The following GALNTL6 variants were observed in gnomAD, a reference collection of about 807,000 sequenced individuals.
GALNTL6 encodes the protein polypeptide N-acetylgalactosaminyltransferase like 6.
Under a neutral mutation model 73.7 loss-of-function variants are expected in GALNTL6, and 46 were observed. That is an observed-to-expected ratio of 0.62 (90% confidence interval 0.49 to 0.80). GALNTL6 has a LOEUF of 0.80. GALNTL6 is among the 30% of genes least tolerant of loss of function. The pLI, the probability that GALNTL6 is intolerant of heterozygous loss-of-function variation, is 0.00. For synonymous variants in GALNTL6, 259 were observed against 263.7 expected (o/e 0.98, Z 0.17); for missense variants, 604 against 755.0 (o/e 0.80, Z 2.34).
intron 3 of GALNTL6, among the ~76,000 whole-genome samples, chr4:172,254,930 G>C (rs1412793690): frequency 1.3e-5 from 2 of 151,600 alleles, no homozygotes; most frequent in African/African-American, 4.8e-5. Context: ...AGCTTTGGAA[G>C]TTATTCGGTC....
At chr4:172,735,123 C>A (rs771283731) in intron 5 of GALNTL6, among the ~76,000 whole-genome samples, 11 of 152,132 alleles carry the variant, frequency 7.2e-5, no homozygotes, top group African/African-American at 1.4e-4. Context: ...ATCCTCCAGA[C>A]CCCAGAATAG....
intron 5 of GALNTL6, among the ~76,000 whole-genome samples, chr4:172,602,318 C>G (rs1412379796): frequency 6.6e-6 from 1 of 151,880 alleles, no homozygotes; most frequent in Non-Finnish European, 1.5e-5. Flanking sequence ...TAACAGATGA[C>G]TTTTTTCTCA....
At chr4:172,806,655 T>C (rs1281804931) in intron 5 of GALNTL6, among the ~76,000 whole-genome samples, 1 of 152,118 alleles carries the variant, frequency 6.6e-6, no homozygotes. Context: ...GGAGGAAAAA[T>C]GTAAATGCAT....
intron 5 of GALNTL6, among the ~76,000 whole-genome samples, chr4:172,804,591 G>A (rs1239769665): frequency 6.6e-6 from 1 of 152,212 alleles, no homozygotes; most frequent in Non-Finnish European, 1.5e-5. Context: ...TGGGGCAGCG[G>A]TTGGCATGAC....
At chr4:172,410,136 A>G (rs1455932871) in intron 5 of GALNTL6, among the ~76,000 whole-genome samples, 2 of 152,020 alleles carry the variant, frequency 1.3e-5, no homozygotes, top group African/African-American at 4.8e-5. Flanking sequence ...ACTTTTTGTT[A>G]TTTGAAATAG....
intron 5 of GALNTL6, among the ~76,000 whole-genome samples, chr4:172,763,888 T>TCAAA (rs1234969381): frequency 6.6e-6 from 1 of 151,502 alleles, no homozygotes. Flanking sequence ...GAAATATCAA[T>TCAAA]GACTAATAAA....
intron 5 of GALNTL6, among the ~76,000 whole-genome samples, chr4:172,376,627 G>T (rs549217315): frequency 1.4e-4 from 21 of 152,216 alleles, no homozygotes; most frequent in African/African-American, 4.3e-4. Flanking sequence ...TGAATTCTAA[G>T]AAAAAATAGG....
At chr4:172,210,622 T>C (rs1158653736) in intron 2 of GALNTL6, among the ~76,000 whole-genome samples, 2 of 152,170 alleles carry the variant, frequency 1.3e-5, no homozygotes, top group Non-Finnish European at 2.9e-5. Context: ...CCAGGGTATA[T>C]AATATCACTA....
At chr4:172,859,419 T>C (rs1298651144) in intron 7 of GALNTL6, among the ~76,000 whole-genome samples, 1 of 152,138 alleles carries the variant, frequency 6.6e-6, no homozygotes, top group Non-Finnish European at 1.5e-5. Flanking sequence ...AGCGCTTCAG[T>C]ATAAGAAGCC....
chr4:172,551,948 G>A (rs1239857262), intron 5 of GALNTL6, among the ~76,000 whole-genome samples: 1 of 152,006 alleles, frequency 6.6e-6, no homozygotes, highest in Non-Finnish European at 1.5e-5. Flanking sequence ...AAGCTGATAA[G>A]TCAGGAGTAT....
intron 5 of GALNTL6, among the ~76,000 whole-genome samples, chr4:172,546,807 C>CACATATATATACGTATATATAT (rs1554034213): frequency 0.037 from 502 of 13,576 alleles, 42 homozygotes; most frequent in African/African-American, 0.11. Flanking sequence ...CGTATATATA[C>CACATATATATACGTATATATAT]GTATATATAT....
intron 2 of GALNTL6, among the ~76,000 whole-genome samples, chr4:172,057,449 G>A (rs1283128786): frequency 6.6e-6 from 1 of 151,732 alleles, no homozygotes; most frequent in East Asian, 1.9e-4. Flanking sequence ...AACTACTCAG[G>A]AGGCCAAAGC....
At chr4:172,075,270 A>G (rs1731666792) in intron 2 of GALNTL6, among the ~76,000 whole-genome samples, 1 of 151,586 alleles carries the variant, frequency 6.6e-6, no homozygotes, top group Non-Finnish European at 1.5e-5. Context: ...TTTTTTCTGG[A>G]TTGAAGTTCT....
chr4:171,837,786 A>G (rs1579497761), intron 2 of GALNTL6, among the ~76,000 whole-genome samples: 1 of 150,178 alleles, frequency 6.7e-6, no homozygotes, highest in Non-Finnish European at 1.5e-5. Flanking sequence ...GAAAACGCCC[A>G]TGAGGATAGC....
At chr4:172,226,637 C>T (rs1293869069) in intron 2 of GALNTL6, among the ~76,000 whole-genome samples, 1 of 148,794 alleles carries the variant, frequency 6.7e-6, no homozygotes, top group Non-Finnish European at 1.5e-5. Context: ...ACAGAGACAT[C>T]CTTTCTGGAG....
intron 2 of GALNTL6, among the ~76,000 whole-genome samples, chr4:172,084,239 C>T (rs1160821240): frequency 2.0e-5 from 3 of 152,026 alleles, no homozygotes; most frequent in Admixed American, 6.6e-5. Context: ...TGTGAGTGAA[C>T]TAGGTTTGCA....
At chr4:171,966,209 A>T (rs898355201) in intron 2 of GALNTL6, among the ~76,000 whole-genome samples, 1 of 152,198 alleles carries the variant, frequency 6.6e-6, no homozygotes, top group South Asian at 2.1e-4. Context: ...ACCTTCTGGC[A>T]TCTCCAGCAC....
intron 5 of GALNTL6, among the ~76,000 whole-genome samples, chr4:172,368,116 C>T (rs961176673): frequency 2.0e-5 from 3 of 152,252 alleles, no homozygotes; most frequent in Admixed American, 1.3e-4. Context: ...CGCAGTGGCT[C>T]AGGTCTGTAA....
chr4:171,887,065 T>A (rs912762281), intron 2 of GALNTL6, among the ~76,000 whole-genome samples: 1 of 152,224 alleles, frequency 6.6e-6, no homozygotes, highest in Non-Finnish European at 1.5e-5. Context: ...TTTTGTAGAC[T>A]GAGCATTTCA....
Sources: gnomAD v4.1 joint callset for allele counts (sites outside exome capture counted in the v4.1 genomes callset) on GRCh38, gnomAD v4.1.1 for gene constraint, MANE v1.5 for transcripts, NCBI Gene and HGNC (gene_info 2026-07-23, HGNC 2026-07-21) for gene names.